The following PGGT1B variants were observed in gnomAD, a reference collection of about 807,000 sequenced individuals.
PGGT1B encodes the protein geranylgeranyl transferase type-1 subunit beta.
In PGGT1B, 30 loss-of-function variants were observed where a neutral mutation model predicts 46.1. The observed-to-expected ratio is 0.65, with a 90% CI of 0.49 to 0.88. The LOEUF (loss-of-function observed/expected upper bound fraction) is 0.88. PGGT1B is among the 40% of genes least tolerant of loss of function. PGGT1B has a pLI of 0.00. For missense variants in PGGT1B, 376 were observed against 455.9 expected (o/e 0.82, Z 1.60); for synonymous variants, 170 against 160.0 (o/e 1.06, Z -0.47).
In PGGT1B at chr5:115,212,329, T is replaced by G; in HGVS notation, c.*73A>C. 1 of 1,597,968 alleles carries G rather than the reference T, an allele frequency of 6.3e-7. No homozygotes were observed. The highest frequency in any genetic ancestry group is 8.5e-7 in the Non-Finnish European group (1 of 1,172,906). On this transcript the variant is annotated 3_prime_UTR_variant, in exon 9 of 9. Transcript: ENST00000419445. Reference sequence around the variant, plus strand: ...CTACCTTTTAAAAAAAGAGCACACTTGGTTATACATGGCTTTTAAACTTGA... The same window carrying G: ...CTACCTTTTAAAAAAAGAGCACACTGGGTTATACATGGCTTTTAAACTTGA...
At chr5:115,220,263 T>C (rs1756546959) in intron 7 of PGGT1B, among the ~76,000 whole-genome samples, 1 of 151,936 alleles carries the variant, frequency 6.6e-6, no homozygotes, top group Non-Finnish European at 1.5e-5. Flanking sequence ...AATATTATTA[T>C]TCAGCCATTA....
chr5:115,221,880 T>G lies in PGGT1B; in HGVS notation c.787A>C (p.Arg263=), dbSNP rs1756599961. 6.2e-7 allele frequency: 1 copy of G among 1,609,908 alleles called. No individual in the cohort carries two copies. The highest frequency in any genetic ancestry group is 8.5e-7 in the Non-Finnish European group (1 of 1,178,228). ...IMRQQNGYHG[R]PNKPVDTCYS... ...CAGGTGTCTACAGGCTTATTAGGTC[T>G]TCCATGATAACCATTTTGTTGCCTC... Residue 263 remains arginine (R), a synonymous_variant, in exon 7 of 9, where the codon AGA becomes CGA. Transcript: ENST00000419445.
intron 2 of PGGT1B, among the ~76,000 whole-genome samples, chr5:115,249,732 CAT>C (rs1324468647): frequency 6.6e-6 from 1 of 152,096 alleles, no homozygotes; most frequent in African/African-American, 2.4e-5. Context: ...AACATACTGA[CAT>C]ATTGATTCTT....
intron 1 of PGGT1B, among the ~76,000 whole-genome samples, chr5:115,258,091 TATC>T (rs1465729220): frequency 1.3e-5 from 2 of 152,222 alleles, no homozygotes; most frequent in Non-Finnish European, 2.9e-5. Flanking sequence ...GTTTTTCTAC[TATC>T]ATACTTTTTC....
chr5:115,250,945 T>C (rs1030663193), intron 2 of PGGT1B, among the ~76,000 whole-genome samples: 1 of 152,212 alleles, frequency 6.6e-6, no homozygotes, highest in Admixed American at 6.5e-5. Context: ...TGTAGACTGT[T>C]CATTCCCATT....
intron 8 of PGGT1B, among the ~76,000 whole-genome samples, chr5:115,215,943 A>G (rs1429239633): frequency 1.3e-5 from 2 of 152,078 alleles, no homozygotes; most frequent in Non-Finnish European, 2.9e-5. Context: ...CTGTATATAG[A>G]CTCATTTTGC....
In PGGT1B at chr5:115,230,908, T is replaced by C. The variant is rs144270379; in HGVS notation, c.658+68A>G. The C allele has an allele frequency of 3.8e-5, 35 of 928,624 alleles. No homozygotes were observed. The African/African-American group carries it at 5.5e-4, about 15-fold the overall frequency. The allele number at this position is 928,624 out of a possible 1,614,324, so 57.5% of individuals were successfully genotyped here. ...GAAAAACTTCTGAGGTTCTCCATAC[T>C]GAAGACACCAAGATGTTGTCTAAGG... On this transcript the variant is annotated intron_variant, in intron 6 of 8. Coordinates refer to ENST00000419445, the MANE Select transcript of PGGT1B (RefSeq NM_005023.4).
At chr5:115,236,281 T>C (rs1363932830) in intron 5 of PGGT1B, 109 bp downstream of exon 5, 1 of 782,984 alleles carries the variant, frequency 1.3e-6, no homozygotes, top group Admixed American at 2.9e-5. Flanking sequence ...GCAATCTTAA[T>C]GCTCTTATTT....
chr5:115,262,782 G>T lies in PGGT1B; in HGVS notation c.70C>A (p.Arg24=), dbSNP rs768488424. Reference sequence around the variant, plus strand: ...CAGCGCTGGAAAAATCGCACGTGCCGATCCCGTAAGAAATCCAGCCGCTCT... The same window carrying T: ...CAGCGCTGGAAAAATCGCACGTGCCTATCCCGTAAGAAATCCAGCCGCTCT... ...EGERLDFLRD[R]HVRFFQRCLQ... Residue 24 remains arginine, a synonymous_variant, in exon 1 of 9, where the codon CGG becomes AGG. Coordinates refer to ENST00000419445, the MANE Select transcript of PGGT1B (RefSeq NM_005023.4). 2 of 1,613,360 alleles carry T rather than the reference G, an allele frequency of 1.2e-6. No individual in the cohort carries two copies. Among genetic ancestry groups the T allele is most frequent in the Non-Finnish European group, 1.7e-6 (2 of 1,179,848 alleles).
At position 115,209,472 on chromosome 5, in the gene PGGT1B, A is replaced by C. The variant is rs1383897273; in HGVS notation, c.*2930T>G. The C allele has an allele frequency of 1.3e-5, 2 of 152,120 alleles. No homozygotes were observed. Among genetic ancestry groups the C allele is most frequent in the Non-Finnish European group, 2.9e-5 (2 of 67,990 alleles). The allele number at this position is 152,120 out of a possible 1,614,324, so 9.4% of individuals were successfully genotyped here. A position where few individuals can be genotyped will look rare whatever the true frequency, so the allele number is the denominator to read the frequency against. The stretch of plus-strand genomic sequence containing the variant: ...AGTGTTGTAGTTCTCCAATTTGCAG[A>C]GCTGTCAGAAACCAGCTGCCTTCCT... On this transcript the variant is annotated 3_prime_UTR_variant, in exon 9 of 9. Coordinates refer to ENST00000419445, the MANE Select transcript of PGGT1B (RefSeq NM_005023.4).
chr5:115,227,809 A>G (rs768008051), intron 6 of PGGT1B, among the ~76,000 whole-genome samples: 34 of 152,168 alleles, frequency 2.2e-4, no homozygotes, highest in Non-Finnish European at 2.1e-4. Context: ...GTCTATTCTC[A>G]GAGAGTTGAT....
chr5:115,216,359 T>TGAACTCCTGACCTC (rs1756417157), intron 8 of PGGT1B, among the ~76,000 whole-genome samples: 2 of 152,116 alleles, frequency 1.3e-5, no homozygotes, highest in Admixed American at 1.3e-4. Flanking sequence ...AGGCTGGTCT[T>TGAACTCCTGACCTC]GAACTCCTGA....
Position 115,210,926 on chromosome 5 carries a change from C to T in PGGT1B, c.*1476G>A, listed in dbSNP as rs1756200486. ...TGGCAAACTCAGGTTTAAAACTAAG[C>T]ATGCCAATAATAAATCAATCATTTC... is the stretch of plus-strand genomic sequence containing the variant. On this transcript the variant is annotated 3_prime_UTR_variant, in exon 9 of 9. Transcript: ENST00000419445. 6.6e-6 allele frequency: 1 copy of T among 152,002 alleles called. No homozygotes were observed. Among genetic ancestry groups the T allele is most frequent in the South Asian group, 2.1e-4 (1 of 4,820 alleles). 9.4% of individuals were successfully genotyped at this position (152,002 alleles called of 1,614,324 possible). A position where few individuals can be genotyped will look rare whatever the true frequency, so the allele number is the denominator to read the frequency against.
At chr5:115,229,050 G>A (rs1756887608) in intron 6 of PGGT1B, among the ~76,000 whole-genome samples, 3 of 152,110 alleles carry the variant, frequency 2.0e-5, no homozygotes, top group African/African-American at 4.8e-5. Flanking sequence ...CCAAACTGCA[G>A]GACTACTTTT....
At position 115,204,307 on chromosome 5, in the gene PGGT1B, G is replaced by A. The variant is rs1037899093; in HGVS notation, c.*8095C>T. ...ACCCCCAGAGTTTCTAATTCAGGAG[G>A]TCTAAGGTACCGCCAGAGAATCTGC... is the stretch of plus-strand genomic sequence containing the variant. On this transcript the variant is annotated 3_prime_UTR_variant, in exon 9 of 9. Transcript: ENST00000419445. The A allele has an allele frequency of 1.3e-4, 20 of 152,130 alleles. No homozygotes were observed. The highest frequency in any genetic ancestry group is 4.3e-4 in the African/African-American group (18 of 41,424). The allele number at this position is 152,130 out of a possible 1,614,324, so 9.4% of individuals were successfully genotyped here. A position where few individuals can be genotyped will look rare whatever the true frequency, so the allele number is the denominator to read the frequency against.
rs556026382 is a variant in PGGT1B at position 115,210,588 on chromosome 5, T to G, written c.*1814A>C. 1 of 152,216 alleles carries G rather than the reference T, an allele frequency of 6.6e-6. No individual in the cohort carries two copies. The highest frequency in any genetic ancestry group is 2.4e-5 in the African/African-American group (1 of 41,572). The allele number at this position is 152,216 out of a possible 1,614,324, so 9.4% of individuals were successfully genotyped here. A position where few individuals can be genotyped will look rare whatever the true frequency, so the allele number is the denominator to read the frequency against. On this transcript the variant is annotated 3_prime_UTR_variant, in exon 9 of 9. Coordinates refer to ENST00000419445, the MANE Select transcript of PGGT1B (RefSeq NM_005023.4). ...GAAAATATTTAGCCTTATGAAATAC[T>G]TTTAGATTGGAATTTTTCTCTAACA...
At chr5:115,238,183 A>C (rs958214415) in intron 3 of PGGT1B, among the ~76,000 whole-genome samples, 174 bp from the exon 4 acceptor site, 1 of 151,966 alleles carries the variant, frequency 6.6e-6, no homozygotes, top group Non-Finnish European at 1.5e-5. Flanking sequence ...CTCAATATGA[A>C]TATGATTGCA....
intron 7 of PGGT1B, among the ~76,000 whole-genome samples, chr5:115,221,520 T>G (rs1273824392): frequency 6.6e-6 from 1 of 152,074 alleles, no homozygotes; most frequent in African/African-American, 2.4e-5. Flanking sequence ...AGTTCCAACT[T>G]TTTTATTACC....
chr5:115,225,670 C>T (rs1465773589), intron 6 of PGGT1B, among the ~76,000 whole-genome samples: 3 of 145,682 alleles, frequency 2.1e-5, no homozygotes, highest in African/African-American at 7.7e-5. Context: ...TTTTTTGAGA[C>T]AGTCTTGCTC....
Sources: allele counts gnomAD v4.1 joint callset (sites outside exome capture counted in the v4.1 genomes callset), GRCh38; gene constraint gnomAD v4.1.1; transcripts MANE v1.5; gene names NCBI Gene and HGNC (gene_info 2026-07-23, HGNC 2026-07-21).